Variants in GAREM1 observed in about 807,000 individuals in gnomAD.
The protein encoded by GAREM1 is GRB2-associated and regulator of MAPK protein 1.
GAREM1 carries 26 observed loss-of-function variants against 71.3 expected under a neutral mutation model. The observed-to-expected ratio is 0.36, with a 90% CI of 0.27 to 0.51. The LOEUF is 0.51. Among genes scored for constraint, GAREM1 ranks in the 20% least tolerant of loss-of-function variants. GAREM1 has a pLI of 0.95. For missense variants in GAREM1, 1,026 were observed against 1,103.1 expected (o/e 0.93, Z 0.99); for synonymous variants, 440 against 433.2 (o/e 1.02, Z -0.20).
At chr18:32,464,480 C>T (rs1599068050) in intron 1 of GAREM1, among the ~76,000 whole-genome samples, 2 of 152,166 alleles carry the variant, frequency 1.3e-5, no homozygotes, top group African/African-American at 4.8e-5. Flanking sequence ...AAAACGAGAA[C>T]CCATCTCTTT....
intron 4 of GAREM1, among the ~76,000 whole-genome samples, chr18:32,285,899 C>G (rs1271622656): frequency 2.0e-5 from 3 of 152,166 alleles, no homozygotes; most frequent in Non-Finnish European, 4.4e-5. Flanking sequence ...CCTAAGATCA[C>G]CCGGTAGGGG....
At chr18:32,424,263 T>C (rs1206345801) in intron 1 of GAREM1, among the ~76,000 whole-genome samples, 2 of 152,202 alleles carry the variant, frequency 1.3e-5, no homozygotes, top group African/African-American at 4.8e-5. Flanking sequence ...AGAAGTATTA[T>C]AAAAATTTTT....
chr18:32,394,885 T>C (rs778995029), intron 1 of GAREM1, among the ~76,000 whole-genome samples: 3 of 152,172 alleles, frequency 2.0e-5, no homozygotes, highest in African/African-American at 2.4e-5. Context: ...ACCTGTGAAA[T>C]AGTTATTAAT....
At chr18:32,352,518 G>T (rs1380189522) in intron 2 of GAREM1, among the ~76,000 whole-genome samples, 1 of 152,174 alleles carries the variant, frequency 6.6e-6, no homozygotes, top group East Asian at 1.9e-4. Flanking sequence ...GGAGGTGAGG[G>T]ACAGAGCCAA....
intron 4 of GAREM1, among the ~76,000 whole-genome samples, chr18:32,271,607 A>T (rs557003612): frequency 2.8e-4 from 43 of 152,286 alleles, no homozygotes; most frequent in African/African-American, 9.9e-4. Flanking sequence ...TTCCTAGGTG[A>T]TACTGATGCT....
intron 2 of GAREM1, among the ~76,000 whole-genome samples, chr18:32,329,284 G>A (rs1447435889): frequency 6.6e-6 from 1 of 152,102 alleles, no homozygotes; most frequent in Non-Finnish European, 1.5e-5. Context: ...GCTAAGGTGG[G>A]AAGGTCACTC....
At chr18:32,341,414 T>C (rs1025862110) in intron 2 of GAREM1, among the ~76,000 whole-genome samples, 1 of 152,240 alleles carries the variant, frequency 6.6e-6, no homozygotes, top group African/African-American at 2.4e-5. Context: ...GTCTTTGCTA[T>C]TGTGAATAGT....
intron 3 of GAREM1, among the ~76,000 whole-genome samples, chr18:32,300,026 G>A (rs1246610618): frequency 1.3e-5 from 2 of 152,138 alleles, no homozygotes; most frequent in South Asian, 2.1e-4. Flanking sequence ...TATAAAACAG[G>A]AGACAGTGAT....
intron 2 of GAREM1, among the ~76,000 whole-genome samples, chr18:32,322,897 T>C (rs879721533): frequency 3.3e-5 from 5 of 152,252 alleles, no homozygotes; most frequent in Non-Finnish European, 5.9e-5. Context: ...GCTGGAATCA[T>C]GTCTTCTGCT....
At chr18:32,389,587 T>C (rs1225508622) in intron 2 of GAREM1, among the ~76,000 whole-genome samples, 2 of 152,178 alleles carry the variant, frequency 1.3e-5, no homozygotes, top group Non-Finnish European at 2.9e-5. Flanking sequence ...CATTTTAAAT[T>C]ACTGTTTATT....
chr18:32,394,541 A>T (rs952624098), intron 1 of GAREM1, among the ~76,000 whole-genome samples: 6 of 152,220 alleles, frequency 3.9e-5, no homozygotes, highest in African/African-American at 1.4e-4. Flanking sequence ...GAGGTACATT[A>T]GCAGAAGGGG....
At chr18:32,403,876 T>C (rs114496157) in intron 1 of GAREM1, among the ~76,000 whole-genome samples, 1 of 152,328 alleles carries the variant, frequency 6.6e-6, no homozygotes, top group East Asian at 1.9e-4. Flanking sequence ...TGTATTAATA[T>C]TTAAAGGCCA....
Position 32,364,008 on chromosome 18 carries a change from A to T in GAREM1, c.262+28887T>A, listed in dbSNP as rs1567980547. 5.2e-4 allele frequency among the ~76,000 whole-genome samples: 23 copies of T among 43,850 alleles called. 2 individuals carry two copies. Among genetic ancestry groups the T allele is most frequent in the African/African-American group, 3.2e-3 (22 of 6,974 alleles). 28.8% of individuals were successfully genotyped at this position (43,850 alleles called of 152,430 possible). Reference sequence around the variant, plus strand: ...AATACATATATACATATATATATATATATATATATATATATATATGTTTTT... The same window carrying T: ...AATACATATATACATATATATATATTTATATATATATATATATATGTTTTT... On this transcript the variant is annotated intron_variant, in intron 2 of 5. Coordinates refer to ENST00000269209, the MANE Select transcript of GAREM1 (RefSeq NM_001242409.2).
intron 1 of GAREM1, among the ~76,000 whole-genome samples, chr18:32,415,141 C>T (rs79678610): frequency 0.032 from 4,921 of 151,892 alleles, 129 homozygotes; most frequent in East Asian, 0.1. Context: ...ATACAATCTA[C>T]CAAGAGTGAA....
chr18:32,451,316 A>ATT, intron 1 of GAREM1, among the ~76,000 whole-genome samples: 1 of 131,240 alleles, frequency 7.6e-6, no homozygotes, highest in South Asian at 2.2e-4. Context: ...TCTTATTCCC[A>ATT]CAACTATTCT....
chr18:32,457,721 A>G lies in GAREM1; in HGVS notation c.121+12587T>C, dbSNP rs573259439. 5.3e-4 allele frequency among the ~76,000 whole-genome samples: 81 copies of G among 152,252 alleles called. No individual in the cohort carries two copies. In the South Asian group the frequency reaches 0.016, roughly 30 times the overall value. Reference sequence around the variant, plus strand: ...AAATACAACTATTTATAGAGTCCTCAGGTGCTAAATTGGCAGAGTGATATG... The same window carrying G: ...AAATACAACTATTTATAGAGTCCTCGGGTGCTAAATTGGCAGAGTGATATG... On this transcript the variant is annotated intron_variant, in intron 1 of 5. Coordinates refer to ENST00000269209, the MANE Select transcript of GAREM1 (RefSeq NM_001242409.2).
chr18:32,447,036 T>C (rs960196867), intron 1 of GAREM1, among the ~76,000 whole-genome samples: 9 of 152,228 alleles, frequency 5.9e-5, no homozygotes, highest in East Asian at 1.9e-4. Flanking sequence ...CCTGTATCCA[T>C]AGAGAGCACT....
chr18:32,437,265 C>G (rs1876631864), intron 1 of GAREM1, among the ~76,000 whole-genome samples: 1 of 152,140 alleles, frequency 6.6e-6, no homozygotes, highest in Non-Finnish European at 1.5e-5. Context: ...AGCTCCTGTG[C>G]TTGCTTTCTC....
chr18:32,376,636 G>A lies in GAREM1; in HGVS notation c.262+16259C>T, dbSNP rs186112085. Among the ~76,000 whole-genome samples the A allele has an allele frequency of 1.3e-3, 194 of 152,230 alleles. 1 individual carries two copies. The highest frequency in any genetic ancestry group is 4.5e-3 in the African/African-American group (186 of 41,546). ...GTGGATCACCTGAGGTCAGAAGTTC[G>A]AGACCAGCCTGACCAACATGGCAAA... On this transcript the variant is annotated intron_variant, in intron 2 of 5. Transcript: ENST00000269209.
Sources: gnomAD v4.1 joint callset for allele counts (sites outside exome capture counted in the v4.1 genomes callset) on GRCh38, gnomAD v4.1.1 for gene constraint, MANE v1.5 for transcripts, NCBI Gene and HGNC (gene_info 2026-07-23, HGNC 2026-07-21) for gene names.